OSBPL6: variants seen among roughly 807,000 people sequenced by gnomAD.
OSBPL6 encodes oxysterol binding protein like 6, also known as oxysterol-binding protein-related protein 6.
Under a neutral mutation model 125.8 loss-of-function variants are expected in OSBPL6, and 49 were observed. The ratio of observed to expected loss-of-function variants is 0.39; its 90% CI spans 0.31 to 0.49. OSBPL6 has a LOEUF of 0.49. OSBPL6 is among the 20% of genes least tolerant of loss of function. OSBPL6 has a pLI of 0.88. For missense variants in OSBPL6, 986 were observed against 1,135.4 expected, an observed-to-expected ratio of 0.87 and a Z score of 1.89; for synonymous variants, 394 against 391.8, an observed-to-expected ratio of 1.01 and a Z score of -0.07.
chr2:178,195,212 G>A (rs938610301), intron 1 of OSBPL6, among the ~76,000 whole-genome samples: 2 of 152,154 alleles, frequency 1.3e-5, no homozygotes, highest in Non-Finnish European at 2.9e-5. Flanking sequence ...GGGTTTTATT[G>A]TGCGCGTGCA....
chr2:178,245,885 C>T lies in OSBPL6; in HGVS notation c.-350-39042C>T, dbSNP rs144917318. On this transcript the variant is annotated intron_variant, in intron 1 of 24. Transcript: ENST00000190611. ...GCCCCCAGCCCTAAATTCCATAGTACATCCTATAGGAATTCGGGGAAGGGA... is the reference window on the plus strand; with the variant it reads ...GCCCCCAGCCCTAAATTCCATAGTATATCCTATAGGAATTCGGGGAAGGGA... Among the ~76,000 whole-genome samples the T allele has an allele frequency of 3.7e-3, 567 of 152,300 alleles. 1 individual carries two copies. Among genetic ancestry groups the T allele is most frequent in the Middle Eastern group, 0.02 (6 of 294 alleles).
At chr2:178,293,657 GTTA>G (rs1339916478) in intron 2 of OSBPL6, among the ~76,000 whole-genome samples, 1 of 151,896 alleles carries the variant, frequency 6.6e-6, no homozygotes, top group Admixed American at 6.6e-5. Flanking sequence ...TACTCTTTCA[GTTA>G]TTTTTACATG....
chr2:178,382,243 C>T (rs1694548320), intron 15 of OSBPL6, among the ~76,000 whole-genome samples, 177 bp from the exon 16 acceptor site: 1 of 152,190 alleles, frequency 6.6e-6, no homozygotes, highest in African/African-American at 2.4e-5. Context: ...TTCTAGTGAT[C>T]CTATATGCTA....
At chr2:178,321,020 A>G (rs4894010) in intron 3 of OSBPL6, among the ~76,000 whole-genome samples, 146,710 of 152,206 alleles carry the variant, frequency 0.96, 70,754 homozygotes, top group Non-Finnish European at 0.98. Context: ...GCGTGGTGGC[A>G]CGCACCTGTA....
chr2:178,241,678 C>T (rs1169653681), intron 1 of OSBPL6, among the ~76,000 whole-genome samples: 8 of 152,026 alleles, frequency 5.3e-5, no homozygotes, highest in Admixed American at 3.9e-4. Flanking sequence ...GGCCTCCCAA[C>T]GTGCTAGGAT....
intron 2 of OSBPL6, among the ~76,000 whole-genome samples, chr2:178,292,122 C>CT (rs987467175): frequency 6.6e-6 from 1 of 151,632 alleles, no homozygotes; most frequent in Non-Finnish European, 1.5e-5. Flanking sequence ...CTCCAGTAAA[C>CT]TTTTTTTTCC....
rs920274023 is a variant in OSBPL6, at chr2:178,396,935, T to C, written c.*1376T>C. On this transcript the variant is annotated 3_prime_UTR_variant, in exon 25 of 25. Coordinates refer to ENST00000190611, the MANE Select transcript of OSBPL6 (RefSeq NM_032523.4). ...ACTATATAAATGCCTGTATGTTTTT[T>C]TTAAAATATCTCCTCAGAGATTTTC... is the stretch of plus-strand genomic sequence containing the variant. The C allele has an allele frequency of 6.6e-6, 1 of 152,260 alleles. No homozygotes were observed. The highest frequency in any genetic ancestry group is 1.5e-5 in the Non-Finnish European group (1 of 68,044). The allele number at this position is 152,260 out of a possible 1,614,324, so 9.4% of individuals were successfully genotyped here. A position where few individuals can be genotyped will look rare whatever the true frequency, so the allele number is the denominator to read the frequency against.
At chr2:178,275,501 G>A (rs1462924386) in intron 1 of OSBPL6, among the ~76,000 whole-genome samples, 1 of 151,952 alleles carries the variant, frequency 6.6e-6, no homozygotes, top group Non-Finnish European at 1.5e-5. Context: ...GTGAGACTCT[G>A]TCTCAAAAAT....
At chr2:178,307,400 C>T (rs1469105379) in intron 3 of OSBPL6, among the ~76,000 whole-genome samples, 1 of 152,158 alleles carries the variant, frequency 6.6e-6, no homozygotes, top group Non-Finnish European at 1.5e-5. Context: ...ATATATCTTT[C>T]ACAGATCCTA....
chr2:178,269,399 C>T (rs1193609065), intron 1 of OSBPL6, among the ~76,000 whole-genome samples: 2 of 152,198 alleles, frequency 1.3e-5, no homozygotes, highest in African/African-American at 4.8e-5. Context: ...TAAATACTCA[C>T]TTCTCTTGGG....
chr2:178,385,573 T>C (rs757027112), intron 19 of OSBPL6, 52 bp downstream of exon 19: 1 of 1,385,154 alleles, frequency 7.2e-7, no homozygotes, highest in Non-Finnish European at 1.0e-6. Context: ...TATGAAAAAA[T>C]ATCTGGCTTC....
At chr2:178,336,567 C>T (rs1371395850) in intron 9 of OSBPL6, 134 bp downstream of exon 9, 12 of 1,010,512 alleles carry the variant, frequency 1.2e-5, no homozygotes, top group South Asian at 1.7e-5. Flanking sequence ...TGCTCTTTCT[C>T]CCCCTTGTTC....
At chr2:178,351,191 G>T (rs1471796258) in intron 12 of OSBPL6, among the ~76,000 whole-genome samples, 1 of 152,098 alleles carries the variant, frequency 6.6e-6, no homozygotes, top group African/African-American at 2.4e-5. Flanking sequence ...TACAAGGCAA[G>T]GTGGCCCACT....
At chr2:178,267,915 A>G (rs1026463427) in intron 1 of OSBPL6, among the ~76,000 whole-genome samples, 3 of 151,942 alleles carry the variant, frequency 2.0e-5, no homozygotes, top group African/African-American at 4.8e-5. Context: ...GCTAATATCC[A>G]TACTTCCTAA....
intron 7 of OSBPL6, 41 bp from the exon 8 acceptor site, chr2:178,332,830 G>A (rs367563459): frequency 1.4e-4 from 226 of 1,608,400 alleles, no homozygotes; most frequent in Non-Finnish European, 1.8e-4. Context: ...AGGCAGGAGA[G>A]TTATTTTACA....
chr2:178,334,925 T>G (rs1422371474), intron 8 of OSBPL6, among the ~76,000 whole-genome samples: 1 of 152,118 alleles, frequency 6.6e-6, no homozygotes, highest in East Asian at 1.9e-4. Flanking sequence ...ACCAACCAGT[T>G]CTGAAATAAA....
At chr2:178,354,452 A>G (rs1691581882) in intron 12 of OSBPL6, among the ~76,000 whole-genome samples, 1 of 152,220 alleles carries the variant, frequency 6.6e-6, no homozygotes, top group Admixed American at 6.5e-5. Flanking sequence ...TCTCTGATAA[A>G]ACAGACTTTA....
At chr2:178,211,535 C>T (rs905341362) in intron 1 of OSBPL6, among the ~76,000 whole-genome samples, 5 of 152,164 alleles carry the variant, frequency 3.3e-5, no homozygotes, top group South Asian at 2.1e-4. Flanking sequence ...AGATTGCTTC[C>T]GGCACTTGCT....
At chr2:178,325,387 T>C (rs1456660208) in intron 4 of OSBPL6, among the ~76,000 whole-genome samples, 2 of 152,198 alleles carry the variant, frequency 1.3e-5, no homozygotes, top group Non-Finnish European at 2.9e-5. Context: ...CTCTTTAAAC[T>C]GTAAAGATAT....
Sources: gnomAD v4.1 joint callset for allele counts (sites outside exome capture counted in the v4.1 genomes callset) on GRCh38, gnomAD v4.1.1 for gene constraint, MANE v1.5 for transcripts, NCBI Gene and HGNC (gene_info 2026-07-23, HGNC 2026-07-21) for gene names.